Variants in UTS2 observed in about 807,000 individuals in gnomAD.
UTS2 encodes urotensin 2.
Under a neutral mutation model 12.6 loss-of-function variants are expected in UTS2, and 10 were observed. The observed-to-expected ratio is 0.80, with a 90% CI of 0.49 to 1.35. UTS2 has a LOEUF of 1.35. UTS2 is among the 40% of genes most tolerant of loss of function. The pLI, the probability that UTS2 is intolerant of heterozygous loss-of-function variation, is 0.00. For synonymous variants in UTS2, 52 were observed against 50.0 expected (o/e 1.04, Z -0.17); for missense variants, 142 against 143.2 (o/e 0.99, Z 0.04).
chr1:7,887,285 G>A, the UTS2 span, among the ~76,000 whole-genome samples: 4 of 151,902 alleles, frequency 2.6e-5, no homozygotes, highest in Admixed American at 6.6e-5. Flanking sequence ...GGCCCTCCTT[G>A]CAGGCAACAC....
chr1:7,872,183 C>G, the UTS2 span, among the ~76,000 whole-genome samples: 1 of 150,676 alleles, frequency 6.6e-6, no homozygotes, highest in African/African-American at 2.4e-5. Flanking sequence ...CGCCTATAGT[C>G]CCAGTACTCG....
At chr1:7,903,448 G>A in the UTS2 span, among the ~76,000 whole-genome samples, 5 of 151,322 alleles carry the variant, frequency 3.3e-5, no homozygotes, top group Non-Finnish European at 7.4e-5. Flanking sequence ...GTGCAATGGC[G>A]CAATCTCAGC....
the UTS2 span, among the ~76,000 whole-genome samples, chr1:7,892,525 G>A: frequency 4.2e-5 from 6 of 142,124 alleles, 1 homozygote; most frequent in African/African-American, 8.0e-5. Context: ...ATCCAGGCTG[G>A]AGAGTGCAGT....
the UTS2 span, among the ~76,000 whole-genome samples, chr1:7,863,050 ATTGTATT>A: frequency 8.7e-3 from 482 of 55,418 alleles, 11 homozygotes; most frequent in Admixed American, 0.016. Flanking sequence ...ATTGTATTGT[ATTGTATT>A]GTATTGTATT....
At chr1:7,898,021 C>T in the UTS2 span, among the ~76,000 whole-genome samples, 3 of 152,136 alleles carry the variant, frequency 2.0e-5, no homozygotes, top group Non-Finnish European at 4.4e-5. Flanking sequence ...AATATTATGA[C>T]CAACCATCTT....
rs2151381148 is a variant in UTS2, at chr1:7,847,613, G to A, written c.*153C>T. The A allele has an allele frequency of 1.6e-6, 1 of 644,502 alleles. No individual in the cohort carries two copies. Among genetic ancestry groups the A allele is most frequent in the Non-Finnish European group, 2.7e-6 (1 of 366,740 alleles). The allele number at this position is 644,502 out of a possible 1,614,324, so 39.9% of individuals were successfully genotyped here. ...TAGGGAAAATAACCACTCATGATAT[G>A]TGCAAAACATAGAGGATTTATTTTC... On this transcript the variant is annotated 3_prime_UTR_variant, in exon 4 of 4. Coordinates refer to ENST00000361696, the MANE Select transcript of UTS2 (RefSeq NM_006786.4).
chr1:7,873,723 G>A, the UTS2 span, among the ~76,000 whole-genome samples: 7,756 of 152,168 alleles, frequency 0.051, 604 homozygotes, highest in African/African-American at 0.17. Flanking sequence ...TGAAGATGCC[G>A]CCAATATTGT....
chr1:7,852,805 C>T, intron 1 of UTS2, 96 bp downstream of exon 1: 1 of 1,389,614 alleles, frequency 7.2e-7, no homozygotes, highest in Non-Finnish European at 9.7e-7. Flanking sequence ...ACTCCAGACT[C>T]CTTCGAGCAG....
At chr1:7,853,229 G>A (rs2097416018), upstream of UTS2, 12 of 1,585,822 alleles carry the variant, frequency 7.6e-6, no homozygotes, top group Non-Finnish European at 1.0e-5. Context: ...TAAATTAACT[G>A]TCTTGTTGCC....
At chr1:7,863,008 G>GTAT in the UTS2 span, among the ~76,000 whole-genome samples, 5 of 20,672 alleles carry the variant, frequency 2.4e-4, no homozygotes, top group Non-Finnish European at 4.6e-4. Flanking sequence ...GTATTGTATT[G>GTAT]TATTGTATTG....
chr1:7,901,691 G>A, the UTS2 span, among the ~76,000 whole-genome samples: 1 of 151,748 alleles, frequency 6.6e-6, no homozygotes, highest in African/African-American at 2.4e-5. Context: ...AGGTGCTATT[G>A]TCTTCATTTT....
At chr1:7,897,835 C>T in the UTS2 span, among the ~76,000 whole-genome samples, 1 of 152,164 alleles carries the variant, frequency 6.6e-6, no homozygotes, top group Non-Finnish European at 1.5e-5. Context: ...GATGCACCCA[C>T]CTCAGCCTCC....
chr1:7,897,845 C>G, the UTS2 span, among the ~76,000 whole-genome samples: 1 of 152,134 alleles, frequency 6.6e-6, no homozygotes, highest in African/African-American at 2.4e-5. Context: ...CCTCAGCCTC[C>G]CAAAGTGCTG....
At chr1:7,887,363 T>A in the UTS2 span, among the ~76,000 whole-genome samples, 18 of 152,114 alleles carry the variant, frequency 1.2e-4, no homozygotes, top group Non-Finnish European at 2.2e-4. Flanking sequence ...GCCACTGGAC[T>A]TGGGCACATG....
chr1:7,891,579 A>AGAAG, the UTS2 span, among the ~76,000 whole-genome samples: 1 of 151,674 alleles, frequency 6.6e-6, no homozygotes, highest in African/African-American at 2.4e-5. Flanking sequence ...AAAGAAAGAA[A>AGAAG]GAAAGAAAGA....
the UTS2 span, among the ~76,000 whole-genome samples, chr1:7,860,033 G>A: frequency 6.6e-6 from 1 of 151,962 alleles, no homozygotes; most frequent in East Asian, 1.9e-4. Flanking sequence ...TAGCAATGAG[G>A]AGACGACAAG....
the UTS2 span, among the ~76,000 whole-genome samples, chr1:7,894,396 A>ACTCCTGATCTCAAGTGATCCACC: frequency 1.3e-5 from 2 of 150,714 alleles, no homozygotes; most frequent in Admixed American, 1.3e-4. Context: ...CTCGTCTCAG[A>ACTCCTGATCTCAAGTGATCCACC]CTCCTGATCT....
At chr1:7,865,828 C>T in the UTS2 span, among the ~76,000 whole-genome samples, 1 of 151,942 alleles carries the variant, frequency 6.6e-6, no homozygotes, top group South Asian at 2.1e-4. Flanking sequence ...CCCAGCTACT[C>T]GGGAGGCTGA....
At chr1:7,894,349 T>C in the UTS2 span, among the ~76,000 whole-genome samples, 2 of 152,002 alleles carry the variant, frequency 1.3e-5, no homozygotes, top group Admixed American at 6.6e-5. Context: ...AGTTTTTGTA[T>C]TTTTTGTAGA....
Sources: allele counts gnomAD v4.1 joint callset (sites outside exome capture counted in the v4.1 genomes callset), GRCh38; gene constraint gnomAD v4.1.1; transcripts MANE v1.5; gene names NCBI Gene and HGNC (gene_info 2026-07-23, HGNC 2026-07-21).